Variants in ERBB4 observed in about 807,000 individuals in gnomAD.
ERBB4 encodes receptor tyrosine-protein kinase erbB-4.
ERBB4 carries 42 observed loss-of-function variants against 158.0 expected under a neutral mutation model. The ratio of observed to expected loss-of-function variants is 0.27; its 90% CI spans 0.21 to 0.34. ERBB4 has a LOEUF of 0.34. ERBB4 is among the 10% of genes least tolerant of loss of function. ERBB4 has a pLI of 1.00. For synonymous variants in ERBB4, 583 were observed against 558.7 expected (o/e 1.04, Z -0.61); for missense variants, 1,333 against 1,624.1 (o/e 0.82, Z 3.08).
intron 3 of ERBB4, among the ~76,000 whole-genome samples, chr2:211,892,645 G>A (rs1251482439): frequency 2.1e-5 from 3 of 145,822 alleles, no homozygotes; most frequent in Admixed American, 6.7e-5. Context: ...TGACGTGATT[G>A]TATATCTAGA....
chr2:211,468,149 A>T (rs1413790823), intron 20 of ERBB4, among the ~76,000 whole-genome samples: 5 of 152,196 alleles, frequency 3.3e-5, no homozygotes, highest in Non-Finnish European at 7.3e-5. Flanking sequence ...ACCATTTTGG[A>T]GATACTAAAG....
chr2:212,107,670 C>T (rs930835057), intron 2 of ERBB4, among the ~76,000 whole-genome samples: 2 of 152,096 alleles, frequency 1.3e-5, no homozygotes, highest in Non-Finnish European at 2.9e-5. Flanking sequence ...TTGGCTGTGT[C>T]CCCACCCAAA....
chr2:211,543,715 C>A (rs1284457777), intron 20 of ERBB4, among the ~76,000 whole-genome samples: 1 of 151,538 alleles, frequency 6.6e-6, no homozygotes, highest in Non-Finnish European at 1.5e-5. Context: ...AGTAATAAAC[C>A]TGGAAAATAT....
At chr2:212,058,498 T>G (rs1400006254) in intron 2 of ERBB4, among the ~76,000 whole-genome samples, 1 of 152,108 alleles carries the variant, frequency 6.6e-6, no homozygotes, top group Non-Finnish European at 1.5e-5. Context: ...AAAAGAGAAT[T>G]TTAGACCAAT....
intron 1 of ERBB4, among the ~76,000 whole-genome samples, chr2:212,237,624 C>G (rs1025342569): frequency 2.6e-5 from 4 of 152,320 alleles, no homozygotes; most frequent in African/African-American, 9.6e-5. Context: ...AGGTCTGCTG[C>G]TCTCTTCAGA....
At chr2:211,797,460 A>C (rs1384178406) in intron 3 of ERBB4, among the ~76,000 whole-genome samples, 1 of 151,858 alleles carries the variant, frequency 6.6e-6, no homozygotes, top group Non-Finnish European at 1.5e-5. Context: ...AAAAAGTATG[A>C]TTTTTCTTGA....
chr2:211,774,836 C>T (rs1369004736), intron 4 of ERBB4, among the ~76,000 whole-genome samples: 4 of 152,052 alleles, frequency 2.6e-5, no homozygotes, highest in South Asian at 2.1e-4. Flanking sequence ...TGGGTTATTC[C>T]GGTCTGATGT....
rs555240101 is a variant in ERBB4 at position 212,303,253 on chromosome 2, G to C, written c.83-178350C>G. ...GTCTCCTTCAGTGCTTAATGGATTAGGGAGCTTCAGACAGGAGGGATGTTC... is the reference window on the plus strand; with the variant it reads ...GTCTCCTTCAGTGCTTAATGGATTACGGAGCTTCAGACAGGAGGGATGTTC... On this transcript the variant is annotated intron_variant, in intron 1 of 27. Transcript: ENST00000342788. Among the ~76,000 whole-genome samples, 14 of 151,482 alleles carry C rather than the reference G, an allele frequency of 9.2e-5. No individual in the cohort carries two copies. The South Asian group carries it at 2.9e-3, about 31-fold the overall frequency.
intron 3 of ERBB4, among the ~76,000 whole-genome samples, chr2:211,877,566 C>CT (rs574975903): frequency 0.12 from 18,369 of 147,148 alleles, 1,532 homozygotes; most frequent in Non-Finnish European, 0.18. Context: ...TTTAAAATGT[C>CT]TTTTTTTTTT....
intron 3 of ERBB4, among the ~76,000 whole-genome samples, chr2:211,927,638 T>G (rs535446120): frequency 6.6e-6 from 1 of 152,146 alleles, no homozygotes; most frequent in African/African-American, 2.4e-5. Flanking sequence ...TGCTTTAAAC[T>G]TTGGGAAACA....
intron 25 of ERBB4, among the ~76,000 whole-genome samples, chr2:211,393,703 T>C (rs954847752): frequency 3.3e-5 from 5 of 151,244 alleles, no homozygotes; most frequent in African/African-American, 1.2e-4. Context: ...GGACATAAAC[T>C]GGAAAGAAGG....
At chr2:211,484,422 T>C (rs1239560642) in intron 20 of ERBB4, among the ~76,000 whole-genome samples, 2 of 152,046 alleles carry the variant, frequency 1.3e-5, no homozygotes, top group Non-Finnish European at 2.9e-5. Context: ...AAGACAGAGA[T>C]TGTTAGGTTA....
intron 1 of ERBB4, among the ~76,000 whole-genome samples, chr2:212,244,268 T>A (rs536671962): frequency 1.6e-4 from 24 of 152,256 alleles, no homozygotes; most frequent in African/African-American, 5.3e-4. Context: ...ACCTCATAAG[T>A]CCATCCTTTT....
intron 1 of ERBB4, among the ~76,000 whole-genome samples, chr2:212,288,711 C>T (rs1188762678): frequency 1.3e-5 from 2 of 152,014 alleles, no homozygotes; most frequent in African/African-American, 4.8e-5. Context: ...GTGACGAGAA[C>T]CCCGTTTTTA....
intron 2 of ERBB4, among the ~76,000 whole-genome samples, chr2:212,040,007 G>A (rs891965934): frequency 2.9e-4 from 44 of 151,624 alleles, no homozygotes; most frequent in African/African-American, 1.0e-3. Context: ...CCAAATTTAA[G>A]TGAACTATGT....
chr2:212,139,681 G>A (rs570511540), intron 1 of ERBB4, among the ~76,000 whole-genome samples: 1 of 151,846 alleles, frequency 6.6e-6, no homozygotes, highest in South Asian at 2.1e-4. Flanking sequence ...ATATTTTGTA[G>A]CTGATAAGCT....
At chr2:211,498,376 T>C (rs1015795441) in intron 20 of ERBB4, among the ~76,000 whole-genome samples, 2 of 152,144 alleles carry the variant, frequency 1.3e-5, no homozygotes, top group African/African-American at 4.8e-5. Context: ...AACTAATTAT[T>C]TGTTTGACTT....
intron 3 of ERBB4, among the ~76,000 whole-genome samples, chr2:211,874,805 T>C (rs916969419): frequency 3.3e-5 from 5 of 152,166 alleles, no homozygotes; most frequent in African/African-American, 7.2e-5. Context: ...TGAAAGAAGT[T>C]CAGCTATGTC....
intron 1 of ERBB4, among the ~76,000 whole-genome samples, chr2:212,537,237 C>T (rs1693137454): frequency 6.6e-6 from 1 of 152,102 alleles, no homozygotes; most frequent in Non-Finnish European, 1.5e-5. Flanking sequence ...CCTATCGCCA[C>T]TCCCGGGGGC....
Sources: allele counts gnomAD v4.1 joint callset (sites outside exome capture counted in the v4.1 genomes callset), GRCh38; gene constraint gnomAD v4.1.1; transcripts MANE v1.5; gene names NCBI Gene and HGNC (gene_info 2026-07-23, HGNC 2026-07-21).